The following YARS1 variants were observed in gnomAD, a reference collection of about 807,000 sequenced individuals.
The protein encoded by YARS1 is tyrosine--tRNA ligase, cytoplasmic.
A neutral mutation model predicts 62.2 loss-of-function variants in YARS1; 36 were observed. The ratio of observed to expected loss-of-function variants is 0.58; its 90% confidence interval spans 0.44 to 0.76. The LOEUF is 0.76. Ranked by LOEUF, YARS1 falls within the 30% of genes least tolerant of loss-of-function variation. The pLI, the probability that YARS1 is intolerant of heterozygous loss-of-function variation, is 0.00. For synonymous variants in YARS1, 234 were observed against 244.9 expected (o/e 0.96, Z 0.42); for missense variants, 524 against 639.8 (o/e 0.82, Z 1.95).
At chr1:32,778,442 T>G (rs1652939082) in intron 12 of YARS1, among the ~76,000 whole-genome samples, 1 of 151,030 alleles carries the variant, frequency 6.6e-6, no homozygotes, top group African/African-American at 2.4e-5. Flanking sequence ...AGAGTCTCAC[T>G]CTGTCGCTTA....
chr1:32,800,834 A>G (rs1033332129), intron 4 of YARS1, among the ~76,000 whole-genome samples: 2 of 152,144 alleles, frequency 1.3e-5, no homozygotes, highest in Admixed American at 6.6e-5. Context: ...TGGCCTCCCA[A>G]AGTGCTGGGA....
chr1:32,813,475 T>C (rs899351718), intron 1 of YARS1, among the ~76,000 whole-genome samples: 1 of 151,918 alleles, frequency 6.6e-6, no homozygotes, highest in Non-Finnish European at 1.5e-5. Flanking sequence ...TCCAACACCA[T>C]ACTCAGCTAA....
intron 5 of YARS1, 127 bp downstream of exon 5, chr1:32,797,636 C>A: frequency 1.2e-6 from 1 of 844,624 alleles, no homozygotes. Flanking sequence ...TCAGTGTTCT[C>A]ATCTGCAAAA....
chr1:32,779,621 G>T, intron 11 of YARS1, 98 bp from the exon 12 acceptor site: 1 of 1,486,308 alleles, frequency 6.7e-7, no homozygotes. Flanking sequence ...GGGCCCTGAT[G>T]GGATTTAGGG....
intron 3 of YARS1, among the ~76,000 whole-genome samples, chr1:32,807,994 G>T (rs1454103030): frequency 6.6e-6 from 1 of 151,504 alleles, no homozygotes; most frequent in Admixed American, 6.6e-5. Context: ...CTGAAGCTTT[G>T]ATCTCAGCTC....
At chr1:32,783,755 A>G (rs1438522408) in intron 8 of YARS1, 1 of 152,170 alleles carries the variant, frequency 6.6e-6, no homozygotes, top group Non-Finnish European at 1.5e-5. Context: ...GGAATATTTA[A>G]TTTTAATAAA....
At chr1:32,800,489 T>TA (rs1569753167) in intron 4 of YARS1, among the ~76,000 whole-genome samples, 1 of 151,812 alleles carries the variant, frequency 6.6e-6, no homozygotes, top group Non-Finnish European at 1.5e-5. Context: ...AAAATTTAAT[T>TA]AAAAAAAATT....
At chr1:32,797,050 A>G (rs1331352377) in intron 5 of YARS1, among the ~76,000 whole-genome samples, 3 of 86,080 alleles carry the variant, frequency 3.5e-5, no homozygotes, top group South Asian at 4.7e-4. Flanking sequence ...ATATATATAT[A>G]GTAAGCATTT....
chr1:32,813,019 C>T (rs1055374464), intron 1 of YARS1, among the ~76,000 whole-genome samples: 6 of 149,388 alleles, frequency 4.0e-5, no homozygotes, highest in Admixed American at 1.3e-4. Flanking sequence ...CTTATCTTAA[C>T]TCAAGCTGAC....
At chr1:32,791,104 CTCAA>C in intron 6 of YARS1, 54 bp downstream of exon 6, 1 of 1,484,654 alleles carries the variant, frequency 6.7e-7, no homozygotes, top group Non-Finnish European at 9.4e-7. Context: ...CTTTTCAGTC[CTCAA>C]TCTCTCCATT....
At chr1:32,782,755 G>A in intron 8 of YARS1, 6 of 609,744 alleles carry the variant, frequency 9.8e-6, no homozygotes, top group South Asian at 2.0e-5. Context: ...CTAACTTGAG[G>A]GTGTTTAGGA....
intron 1 of YARS1, 197 bp downstream of exon 1, chr1:32,816,991 A>G: frequency 1.5e-6 from 1 of 677,954 alleles, no homozygotes; most frequent in East Asian, 2.7e-5. Context: ...AGGTGAGCCC[A>G]CTGTGATTTC....
chr1:32,791,162 C>T lies in YARS1; in HGVS notation c.684G>A (p.Glu228=). Residue 228 remains glutamate, a splice_region_variant and synonymous_variant, in exon 6 of 13, where the codon GAG becomes GAA. Transcript: ENST00000373477. ...ATTCAAGTCTCAGCTGGCAACTTAC[C>T]TCTTCTGAAGAGCTCATTTTGCTGC... ...LTGSKMSSSE[E]ESKIDLLDRK... 2 of 1,613,818 alleles carry T rather than the reference C, an allele frequency of 1.2e-6. No homozygotes were observed. The highest frequency in any genetic ancestry group is 1.7e-6 in the Non-Finnish European group (2 of 1,179,772).
intron 1 of YARS1, among the ~76,000 whole-genome samples, chr1:32,814,877 G>A (rs1440343724): frequency 6.6e-6 from 1 of 152,156 alleles, no homozygotes; most frequent in African/African-American, 2.4e-5. Flanking sequence ...TACGGTTTTG[G>A]GAGGCTGTCA....
At chr1:32,783,728 ACTT>A (rs1389936986) in intron 8 of YARS1, 2 of 152,146 alleles carry the variant, frequency 1.3e-5, no homozygotes, top group Admixed American at 6.6e-5. Flanking sequence ...TTCTGATACT[ACTT>A]CTTCATTTCC....
Position 32,816,876 on chromosome 1 carries a change from G to A in YARS1, c.57+312C>T, listed in dbSNP as rs1569794530. 5 of 547,490 alleles carry A rather than the reference G, an allele frequency of 9.1e-6. No homozygotes were observed. The East Asian group carries it at 1.6e-4, about 17-fold the overall frequency. 33.9% of individuals were successfully genotyped at this position (547,490 alleles called of 1,614,324 possible). A position where few individuals can be genotyped will look rare whatever the true frequency, so the allele number is the denominator to read the frequency against. ...TTCAGACAAGCTCTGGCAGGCCCTTGACGTATCCCCAGCGACTAAGCACCA... is the reference window on the plus strand; with the variant it reads ...TTCAGACAAGCTCTGGCAGGCCCTTAACGTATCCCCAGCGACTAAGCACCA... On this transcript the variant is annotated intron_variant, in intron 1 of 12. Coordinates refer to ENST00000373477, the MANE Select transcript of YARS1 (RefSeq NM_003680.4).
intron 10 of YARS1, 113 bp downstream of exon 10, chr1:32,780,935 T>G: frequency 1.1e-6 from 1 of 949,568 alleles, no homozygotes; most frequent in Non-Finnish European, 1.7e-6. Flanking sequence ...CACTCTGACT[T>G]GCAATATGAC....
At position 32,786,982 on chromosome 1, in the gene YARS1, C is replaced by T. The variant is rs1653249555; in HGVS notation, c.778G>A (p.Val260Ile). 6.2e-6 allele frequency: 10 copies of T among 1,613,982 alleles called. No homozygotes were observed. In the South Asian group the frequency reaches 9.9e-5, roughly 16 times the overall value. Residue 260 changes from valine (V) to isoleucine (I), a missense_variant, in exon 7 of 13, where the codon GTT becomes ATT. Physicochemically the swap from Val to Ile is conservative, Grantham distance 29 (BLOSUM62 3). Coordinates refer to ENST00000373477, the MANE Select transcript of YARS1 (RefSeq NM_003680.4). ...CEPGNVENNG[V>I]LSFIKHVLFP... ...AGGACATGCTTGATGAAGGACAGAA[C>T]CCCATTGTTCTCCACATTTCCTGGC...
chr1:32,788,199 G>A (rs1653299585), intron 6 of YARS1, among the ~76,000 whole-genome samples: 1 of 152,168 alleles, frequency 6.6e-6, no homozygotes, highest in Non-Finnish European at 1.5e-5. Flanking sequence ...ATTTGTAGTT[G>A]GAGAATAAAT....
Sources: gnomAD v4.1 joint callset for allele counts (sites outside exome capture counted in the v4.1 genomes callset) on GRCh38, gnomAD v4.1.1 for gene constraint, MANE v1.5 for transcripts, NCBI Gene and HGNC (gene_info 2026-07-23, HGNC 2026-07-21) for gene names.